CNTNAP4: variants seen among roughly 807,000 people sequenced by gnomAD.
CNTNAP4 encodes contactin-associated protein-like 4.
A neutral mutation model predicts 148.4 loss-of-function variants in CNTNAP4; 98 were observed. The observed-to-expected ratio is 0.66, with a 90% CI of 0.56 to 0.78. CNTNAP4 has a LOEUF of 0.78. Among genes scored for constraint, CNTNAP4 ranks in the 30% least tolerant of loss-of-function variants. The probability of loss-of-function intolerance (pLI) is 0.00; values close to 1 mark genes in which losing one functional copy is unlikely to be tolerated. For synonymous variants in CNTNAP4, 730 were observed against 565.1 expected, an observed-to-expected ratio of 1.29 and a Z score of -4.14; for missense variants, 1,935 against 1,565.6, an observed-to-expected ratio of 1.24 and a Z score of -3.98.
intron 3 of CNTNAP4, among the ~76,000 whole-genome samples, chr16:76,386,918 TATGC>T (rs2016561928): frequency 6.6e-6 from 1 of 152,112 alleles, no homozygotes; most frequent in Non-Finnish European, 1.5e-5. Flanking sequence ...AGAATAGAGT[TATGC>T]AATCTGTGAA....
At chr16:76,302,386 C>G (rs576618419) in intron 1 of CNTNAP4, among the ~76,000 whole-genome samples, 110 of 152,200 alleles carry the variant, frequency 7.2e-4, no homozygotes, top group African/African-American at 2.4e-3. Context: ...TTCCTTGGAG[C>G]TGAACCTCCG....
chr16:76,451,733 A>G (rs12447770), intron 7 of CNTNAP4, among the ~76,000 whole-genome samples: 54,630 of 151,380 alleles, frequency 0.36, 11,096 homozygotes, highest in Middle Eastern at 0.47. Context: ...AGCTATCCAA[A>G]TGATGCATAA....
At chr16:76,426,479 G>C (rs1316049490) in intron 3 of CNTNAP4, among the ~76,000 whole-genome samples, 1 of 152,136 alleles carries the variant, frequency 6.6e-6, no homozygotes, top group Non-Finnish European at 1.5e-5. Flanking sequence ...CAAGGAAGGT[G>C]AGAAATAAAA....
chr16:76,346,944 A>G (rs2144407077), intron 2 of CNTNAP4, among the ~76,000 whole-genome samples: 1 of 152,320 alleles, frequency 6.6e-6, no homozygotes, highest in Admixed American at 6.5e-5. Flanking sequence ...GCCATGAGGG[A>G]ATATTGATTG....
intron 21 of CNTNAP4, among the ~76,000 whole-genome samples, chr16:76,551,689 C>T (rs2084958353): frequency 6.6e-6 from 1 of 152,060 alleles, no homozygotes; most frequent in Non-Finnish European, 1.5e-5. Context: ...ATAATATACT[C>T]CAGTGTCTAC....
At chr16:76,451,476 A>G (rs4297704) in intron 7 of CNTNAP4, among the ~76,000 whole-genome samples, 50,015 of 152,084 alleles carry the variant, frequency 0.33, 9,776 homozygotes, top group Non-Finnish European at 0.42. Context: ...TTTAAACAGC[A>G]TTTTATTTCT....
intron 2 of CNTNAP4, among the ~76,000 whole-genome samples, chr16:76,326,307 G>A (rs1962970144): frequency 6.6e-6 from 1 of 152,156 alleles, no homozygotes; most frequent in African/African-American, 2.4e-5. Flanking sequence ...GAATGTACAT[G>A]TGCTCTGAAA....
At chr16:76,538,385 T>C (rs746037740) in intron 19 of CNTNAP4, 45 bp downstream of exon 19, 8 of 1,355,226 alleles carry the variant, frequency 5.9e-6, no homozygotes, top group Admixed American at 5.5e-5. Context: ...ATTAGAACAC[T>C]AGCTCTGTAA....
chr16:76,501,233 G>A (rs1483779738), intron 15 of CNTNAP4, among the ~76,000 whole-genome samples: 1 of 152,218 alleles, frequency 6.6e-6, no homozygotes, highest in African/African-American at 2.4e-5. Context: ...AAGAGATGAG[G>A]TTGTAAACTT....
chr16:76,521,423 C>T (rs1051511228), intron 16 of CNTNAP4, 113 bp downstream of exon 16: 10 of 825,368 alleles, frequency 1.2e-5, no homozygotes, highest in African/African-American at 3.5e-5. Flanking sequence ...CTTTTCATTG[C>T]GCCCCTTTGA....
In CNTNAP4 at chr16:76,468,460, C is replaced by T. The variant is rs112442444; in HGVS notation, c.1655+937C>T. On this transcript the variant is annotated intron_variant, in intron 10 of 23. Coordinates refer to ENST00000611870, the MANE Select transcript of CNTNAP4 (RefSeq NM_033401.5). ...TTGCACTCCAGCCTGGGCGACAGAG[C>T]GAGACTCTGGCTCAAAATAAATAAA... Among the ~76,000 whole-genome samples, 420 of 152,020 alleles carry T rather than the reference C, an allele frequency of 2.8e-3. 4 individuals carry two copies. The highest frequency in any genetic ancestry group is 9.2e-3 in the African/African-American group (380 of 41,492).
intron 3 of CNTNAP4, among the ~76,000 whole-genome samples, chr16:76,365,203 C>A (rs2013960363): frequency 6.6e-6 from 1 of 152,140 alleles, no homozygotes; most frequent in Non-Finnish European, 1.5e-5. Context: ...GGCGTTATTT[C>A]TGAGGCCTCT....
intron 15 of CNTNAP4, among the ~76,000 whole-genome samples, chr16:76,504,367 A>G (rs2082763817): frequency 6.6e-6 from 1 of 152,138 alleles, no homozygotes; most frequent in Non-Finnish European, 1.5e-5. Context: ...ATTTTTCAAG[A>G]AACAGATCTG....
chr16:76,461,352 C>T (rs972118876), intron 8 of CNTNAP4, among the ~76,000 whole-genome samples: 1 of 152,058 alleles, frequency 6.6e-6, no homozygotes, highest in African/African-American at 2.4e-5. Context: ...CTGAAAACAC[C>T]CCTTCAAATA....
chr16:76,319,526 C>T (rs556929684), intron 2 of CNTNAP4, among the ~76,000 whole-genome samples: 16 of 152,058 alleles, frequency 1.1e-4, no homozygotes, highest in Admixed American at 5.9e-4. Flanking sequence ...AATCCTAACC[C>T]AAATACCGAT....
At chr16:76,452,325 G>A (rs753881460) in intron 7 of CNTNAP4, among the ~76,000 whole-genome samples, 183 bp from the exon 8 acceptor site, 2 of 152,174 alleles carry the variant, frequency 1.3e-5, no homozygotes, top group Non-Finnish European at 2.9e-5. Flanking sequence ...GAAATGGAGA[G>A]AAGAGCAGAG....
At chr16:76,525,118 G>T (rs2083661264) in intron 17 of CNTNAP4, among the ~76,000 whole-genome samples, 1 of 152,020 alleles carries the variant, frequency 6.6e-6, no homozygotes, top group African/African-American at 2.4e-5. Flanking sequence ...AACAGTGCTT[G>T]CAAGACAAAA....
intron 1 of CNTNAP4, 105 bp from the exon 2 acceptor site, chr16:76,316,308 C>T: frequency 1.3e-6 from 1 of 751,340 alleles, no homozygotes; most frequent in Non-Finnish European, 2.4e-6. Flanking sequence ...GATCTTAGAT[C>T]CTAGTTTTTG....
At chr16:76,491,544 G>A (rs540333587) in intron 13 of CNTNAP4, among the ~76,000 whole-genome samples, 105 of 152,288 alleles carry the variant, frequency 6.9e-4, no homozygotes, top group African/African-American at 2.3e-3. Flanking sequence ...TGTGGCCATC[G>A]TGAACATACA....
Sources: allele counts gnomAD v4.1 joint callset (sites outside exome capture counted in the v4.1 genomes callset), GRCh38; gene constraint gnomAD v4.1.1; transcripts MANE v1.5; gene names NCBI Gene and HGNC (gene_info 2026-07-23, HGNC 2026-07-21).